The following BCKDHB variants were observed in gnomAD, a reference collection of about 807,000 sequenced individuals.
BCKDHB encodes branched chain keto acid dehydrogenase E1 subunit beta.
Under a neutral mutation model 48.5 loss-of-function variants are expected in BCKDHB, and 41 were observed. The observed-to-expected ratio is 0.85, with a 90% confidence interval of 0.66 to 1.10. The LOEUF (loss-of-function observed/expected upper bound fraction) is 1.10. Among genes scored for constraint, BCKDHB ranks in the 50% least tolerant of loss-of-function variants. BCKDHB has a pLI of 0.00. For missense variants in BCKDHB, 496 were observed against 494.2 expected, an observed-to-expected ratio of 1.00 and a Z score of -0.03; for synonymous variants, 201 against 174.8, an observed-to-expected ratio of 1.15 and a Z score of -1.18.
chr6:80,376,800 T>G, the BCKDHB span, among the ~76,000 whole-genome samples: 99 of 152,272 alleles, frequency 6.5e-4, no homozygotes, highest in Non-Finnish European at 1.2e-3. Context: ...CAACTTGTCT[T>G]GATAGAGGAA....
At chr6:80,246,697 A>G (rs568887636) in intron 8 of BCKDHB, among the ~76,000 whole-genome samples, 2 of 152,308 alleles carry the variant, frequency 1.3e-5, no homozygotes, top group Admixed American at 6.5e-5. Flanking sequence ...AGAATCCAAA[A>G]TGGCTCTCCC....
chr6:80,442,639 G>T, the BCKDHB span, among the ~76,000 whole-genome samples: 1 of 152,108 alleles, frequency 6.6e-6, no homozygotes, highest in Non-Finnish European at 1.5e-5. Flanking sequence ...GGATAGAGAA[G>T]AGAGAAAGAG....
At chr6:80,287,967 A>G (rs1766708888) in intron 9 of BCKDHB, among the ~76,000 whole-genome samples, 1 of 152,178 alleles carries the variant, frequency 6.6e-6, no homozygotes. Context: ...GTTCACTTCT[A>G]TAATTTATTC....
At chr6:80,426,935 C>T in the BCKDHB span, among the ~76,000 whole-genome samples, 2 of 152,064 alleles carry the variant, frequency 1.3e-5, no homozygotes, top group East Asian at 1.9e-4. Flanking sequence ...AATCTTTAAA[C>T]TATAATTTTG....
the BCKDHB span, among the ~76,000 whole-genome samples, chr6:80,437,607 G>C: frequency 5.9e-5 from 9 of 152,314 alleles, no homozygotes; most frequent in African/African-American, 2.2e-4. Flanking sequence ...GTTGCTTAAA[G>C]AGTATAAGTA....
chr6:80,237,312 C>A (rs150283921), intron 8 of BCKDHB, among the ~76,000 whole-genome samples: 109 of 152,250 alleles, frequency 7.2e-4, no homozygotes, highest in African/African-American at 2.6e-3. Context: ...ATCAAGCATT[C>A]GGCTGATTGA....
intron 8 of BCKDHB, among the ~76,000 whole-genome samples, chr6:80,246,005 G>A (rs1045832991): frequency 1.3e-5 from 2 of 152,148 alleles, no homozygotes; most frequent in Admixed American, 6.5e-5. Context: ...GAGCCTGGAA[G>A]GGGGAGGTTG....
At chr6:80,289,276 G>A (rs1766790061) in intron 9 of BCKDHB, among the ~76,000 whole-genome samples, 1 of 152,080 alleles carries the variant, frequency 6.6e-6, no homozygotes, top group Non-Finnish European at 1.5e-5. Flanking sequence ...GATTCCATGA[G>A]TACTTTACGG....
chr6:80,332,101 T>C (rs1004797266), intron 9 of BCKDHB, among the ~76,000 whole-genome samples: 1 of 152,206 alleles, frequency 6.6e-6, no homozygotes, highest in Non-Finnish European at 1.5e-5. Context: ...CTGAGACCTG[T>C]GCAAGGGGAT....
At position 80,141,397 on chromosome 6, in the gene BCKDHB, T is replaced by G. The variant is rs1771205332; in HGVS notation, c.343+12168T>G. ...GTTTGAAAAAAATCTATTTTTGTGA[T>G]TCTCTTGTGAACGAGATTTTCTGAG... On this transcript the variant is annotated intron_variant, in intron 3 of 9. Coordinates refer to ENST00000320393, the MANE Select transcript of BCKDHB (RefSeq NM_183050.4). 2.0e-5 allele frequency among the ~76,000 whole-genome samples: 3 copies of G among 152,174 alleles called. No homozygotes were observed. The South Asian group carries it at 6.2e-4, about 31-fold the overall frequency.
chr6:80,170,423 A>G (rs528418965), intron 5 of BCKDHB, among the ~76,000 whole-genome samples: 1 of 152,320 alleles, frequency 6.6e-6, no homozygotes, highest in South Asian at 2.1e-4. Flanking sequence ...TTTGTGATTT[A>G]AGTCAACATT....
At chr6:80,267,055 G>C (rs1777544021) in intron 8 of BCKDHB, among the ~76,000 whole-genome samples, 2 of 152,016 alleles carry the variant, frequency 1.3e-5, no homozygotes, top group South Asian at 4.2e-4. Flanking sequence ...CCTTTTCTAA[G>C]CTGTTTATCT....
chr6:80,240,467 TTGTC>T (rs1163953889), intron 8 of BCKDHB, among the ~76,000 whole-genome samples: 2 of 152,142 alleles, frequency 1.3e-5, no homozygotes, highest in East Asian at 1.9e-4. Context: ...GGCTCTCTGT[TTGTC>T]TGTTATTGGT....
chr6:80,193,198 GTTAA>G (rs544937886), intron 6 of BCKDHB, among the ~76,000 whole-genome samples: 102 of 152,152 alleles, frequency 6.7e-4, no homozygotes, highest in African/African-American at 2.3e-3. Context: ...AGACTTACCA[GTTAA>G]TTAATTATTG....
intron 6 of BCKDHB, among the ~76,000 whole-genome samples, chr6:80,177,701 C>T (rs1773229667): frequency 6.6e-6 from 1 of 152,124 alleles, no homozygotes; most frequent in South Asian, 2.1e-4. Context: ...TCCTGTAGTA[C>T]TATCAAGGTA....
chr6:80,402,460 G>A, the BCKDHB span, among the ~76,000 whole-genome samples: 1 of 151,460 alleles, frequency 6.6e-6, no homozygotes, highest in Non-Finnish European at 1.5e-5. Flanking sequence ...CAGGTTATTT[G>A]GTATGTTTGC....
At chr6:80,445,903 AT>A in the BCKDHB span, among the ~76,000 whole-genome samples, 1 of 152,224 alleles carries the variant, frequency 6.6e-6, no homozygotes, top group Non-Finnish European at 1.5e-5. Context: ...ACATAAGTGA[AT>A]AAATAAATAC....
At chr6:80,442,832 G>T in the BCKDHB span, among the ~76,000 whole-genome samples, 2 of 152,164 alleles carry the variant, frequency 1.3e-5, no homozygotes, top group African/African-American at 4.8e-5. Flanking sequence ...CAATTGAGTG[G>T]TAGATCCATA....
At chr6:80,277,938 C>T (rs1051581051) in intron 9 of BCKDHB, among the ~76,000 whole-genome samples, 1 of 151,956 alleles carries the variant, frequency 6.6e-6, no homozygotes, top group Non-Finnish European at 1.5e-5. Flanking sequence ...TTCAGTGTTT[C>T]ATGTTAGAAT....
Sources: allele counts gnomAD v4.1 joint callset (sites outside exome capture counted in the v4.1 genomes callset), GRCh38; gene constraint gnomAD v4.1.1; transcripts MANE v1.5; gene names NCBI Gene and HGNC (gene_info 2026-07-23, HGNC 2026-07-21).